Variants in CACNA2D2 observed in about 807,000 individuals in gnomAD.
CACNA2D2 encodes calcium voltage-gated channel auxiliary subunit alpha2delta 2.
A neutral mutation model predicts 166.4 loss-of-function variants in CACNA2D2; 48 were observed. The observed-to-expected ratio is 0.29, with a 90% CI of 0.23 to 0.37. The LOEUF is 0.37. Among genes scored for constraint, CACNA2D2 ranks in the 10% least tolerant of loss-of-function variants. The probability of loss-of-function intolerance (pLI) is 1.00; values close to 1 mark genes in which losing one functional copy is unlikely to be tolerated. For missense variants in CACNA2D2, 1,122 were observed against 1,433.0 expected (o/e 0.78, Z 3.50); for synonymous variants, 561 against 573.7 (o/e 0.98, Z 0.32).
In CACNA2D2 at chr3:50,378,802, T is replaced by C; in HGVS notation, c.1339+113A>G. 4 of 1,282,248 alleles carry C rather than the reference T, an allele frequency of 3.1e-6. No individual in the cohort carries two copies. The South Asian group carries it at 5.0e-5, about 16-fold the overall frequency. The allele number at this position is 1,282,248 out of a possible 1,614,324, so 79.4% of individuals were successfully genotyped here. On this transcript the variant is annotated intron_variant, in intron 13 of 37. Coordinates refer to ENST00000424201, the MANE Select transcript of CACNA2D2 (RefSeq NM_006030.4). ...GCCTCGTGGATGGGAGGAGGCACAC[T>C]GTCTTGCAGCGGGTGAACACACAGC...
intron 22 of CACNA2D2, among the ~76,000 whole-genome samples, chr3:50,371,329 TG>T (rs1164450233): frequency 2.0e-5 from 3 of 151,654 alleles, no homozygotes; most frequent in Non-Finnish European, 2.9e-5. Context: ...TGTGCATGTG[TG>T]GGTGAGTGAG....
intron 1 of CACNA2D2, among the ~76,000 whole-genome samples, chr3:50,488,862 G>A (rs1030324104): frequency 2.6e-5 from 4 of 151,922 alleles, no homozygotes; most frequent in African/African-American, 7.3e-5. Flanking sequence ...ACCACACCTG[G>A]CTAATTTTTT....
Position 50,367,243 on chromosome 3 carries a change from G to A in CACNA2D2, c.2402-134C>T, listed in dbSNP as rs112728203. ...GCACCCAGCACTCAGGACAGTGTTT[G>A]GCACAGTCTATCCCTCTTTTCACGT... On this transcript the variant is annotated intron_variant, in intron 27 of 37. Transcript: ENST00000424201. This position sits in a 1 kb window ranked among gnomAD's most constrained non-coding sequence, Gnocchi z 6.5. The A allele has an allele frequency of 4.1e-6, 4 of 982,460 alleles. No individual in the cohort carries two copies. Among genetic ancestry groups the A allele is most frequent in the Non-Finnish European group, 6.3e-6 (4 of 634,114 alleles). 60.9% of individuals were successfully genotyped at this position (982,460 alleles called of 1,614,324 possible).
intron 2 of CACNA2D2, among the ~76,000 whole-genome samples, chr3:50,468,304 A>G (rs1236731680): frequency 2.7e-5 from 4 of 150,802 alleles, no homozygotes; most frequent in Non-Finnish European, 2.9e-5. Flanking sequence ...CTGAGTTTGA[A>G]CTGATCTCCC....
At position 50,367,966 on chromosome 3, in the gene CACNA2D2, C is replaced by T; in HGVS notation, c.2144-64G>A. The T allele has an allele frequency of 7.6e-7, 1 of 1,312,254 alleles. No individual in the cohort carries two copies. The highest frequency in any genetic ancestry group is 1.1e-6 in the Non-Finnish European group (1 of 921,000). 81.3% of individuals were successfully genotyped at this position (1,312,254 alleles called of 1,614,324 possible). A position where few individuals can be genotyped will look rare whatever the true frequency, so the allele number is the denominator to read the frequency against. On this transcript the variant is annotated intron_variant, in intron 24 of 37. Transcript: ENST00000424201. This position sits in a 1 kb window ranked among gnomAD's most constrained non-coding sequence, Gnocchi z 6.5. ...CTTGCAGCTCCTTGCCCACCCTCACCCCCACCCTTAAGGCTCCACCAGGAG... is the reference window on the plus strand; with the variant it reads ...CTTGCAGCTCCTTGCCCACCCTCACTCCCACCCTTAAGGCTCCACCAGGAG...
Position 50,427,091 on chromosome 3 carries a change from G to C in CACNA2D2, c.405+7222C>G, listed in dbSNP as rs906576002. Among the ~76,000 whole-genome samples the C allele has an allele frequency of 6.6e-6, 1 of 152,186 alleles. No individual in the cohort carries two copies. The highest frequency in any genetic ancestry group is 1.5e-5 in the Non-Finnish European group (1 of 68,030). On this transcript the variant is annotated intron_variant, in intron 3 of 37. Coordinates refer to ENST00000424201, the MANE Select transcript of CACNA2D2 (RefSeq NM_006030.4). This position sits in a 1 kb window ranked among gnomAD's most constrained non-coding sequence, Gnocchi z 4.7. ...TTGCCCAAGGCTCACGCTGACCCCA[G>C]GGACACTTGGGTTTACCGTCCCTTC... is the stretch of plus-strand genomic sequence containing the variant.
At chr3:50,390,210 A>T (rs1705817865) in intron 4 of CACNA2D2, among the ~76,000 whole-genome samples, 1 of 152,170 alleles carries the variant, frequency 6.6e-6, no homozygotes, top group Non-Finnish European at 1.5e-5. Flanking sequence ...CTGGGCAGTG[A>T]GTGAAGACTG....
intron 5 of CACNA2D2, 91 bp from the exon 6 acceptor site, chr3:50,384,428 G>A: frequency 7.0e-7 from 1 of 1,438,396 alleles, no homozygotes; most frequent in African/African-American, 1.4e-5. Flanking sequence ...GAGGGCCAGA[G>A]TCCAGGAGAT....
At chr3:50,409,559 G>A (rs770898062) in intron 3 of CACNA2D2, among the ~76,000 whole-genome samples, 8 of 152,356 alleles carry the variant, frequency 5.3e-5, no homozygotes, top group Admixed American at 2.6e-4. Flanking sequence ...CACTTGCTGT[G>A]GCCAGCATCG....
chr3:50,477,440 G>A (rs1425566802), intron 1 of CACNA2D2, among the ~76,000 whole-genome samples: 1 of 152,188 alleles, frequency 6.6e-6, no homozygotes, highest in Non-Finnish European at 1.5e-5. Context: ...GAAGGAAGGA[G>A]TCTGGGGCAA....
chr3:50,394,276 T>G (rs529746656), intron 3 of CACNA2D2, 108 bp from the exon 4 acceptor site: 1 of 861,182 alleles, frequency 1.2e-6, no homozygotes, highest in Non-Finnish European at 2.0e-6. Context: ...GCTGGACTGG[T>G]GACTCCCTTC....
chr3:50,384,082 G>T, intron 6 of CACNA2D2, 114 bp downstream of exon 6: 1 of 1,308,884 alleles, frequency 7.6e-7, no homozygotes, highest in Non-Finnish European at 1.1e-6. Context: ...AGGTGTAGGA[G>T]GCTGGAGGTA....
At chr3:50,410,212 C>G (rs1706931103) in intron 3 of CACNA2D2, among the ~76,000 whole-genome samples, 2 of 152,180 alleles carry the variant, frequency 1.3e-5, no homozygotes, top group South Asian at 4.1e-4. Flanking sequence ...AGACTGTTGT[C>G]TGGAAAAAGG....
At chr3:50,456,727 G>A (rs1709374033) in intron 2 of CACNA2D2, among the ~76,000 whole-genome samples, 1 of 152,168 alleles carries the variant, frequency 6.6e-6, no homozygotes, top group Non-Finnish European at 1.5e-5. Flanking sequence ...CCTGAACTAG[G>A]AACACGGATA....
intron 2 of CACNA2D2, among the ~76,000 whole-genome samples, chr3:50,449,398 G>A (rs898841054): frequency 6.6e-6 from 1 of 152,218 alleles, no homozygotes; most frequent in Non-Finnish European, 1.5e-5. Context: ...GGTGATGCAT[G>A]AGCAGTCGCC....
intron 3 of CACNA2D2, among the ~76,000 whole-genome samples, chr3:50,402,713 A>G (rs1706504125): frequency 6.6e-6 from 1 of 152,180 alleles, no homozygotes; most frequent in African/African-American, 2.4e-5. Context: ...CCAGCATGAA[A>G]CTTACCCATT....
chr3:50,378,106 G>C lies in CACNA2D2; in HGVS notation c.1390-9C>G. ...AACACATCTAGATATTCCTGGGGAG[G>C]GGGCAGTGGTGGGGGTAATGAGTGC... On this transcript the variant is annotated splice_polypyrimidine_tract_variant and intron_variant, in intron 14 of 37. Transcript: ENST00000424201. The C allele has an allele frequency of 6.2e-7, 1 of 1,612,880 alleles. No individual in the cohort carries two copies.
intron 2 of CACNA2D2, among the ~76,000 whole-genome samples, chr3:50,471,286 G>A (rs944804247): frequency 2.6e-5 from 4 of 152,090 alleles, no homozygotes; most frequent in African/African-American, 9.7e-5. Flanking sequence ...CAGTGCGACA[G>A]CCTGTACCAG....
At chr3:50,413,395 C>T (rs1032057366) in intron 3 of CACNA2D2, among the ~76,000 whole-genome samples, 1 of 152,168 alleles carries the variant, frequency 6.6e-6, no homozygotes, top group Non-Finnish European at 1.5e-5. Flanking sequence ...CTCTCTCCAA[C>T]CCCTGACCCT....
Sources: gnomAD v4.1 joint callset for allele counts (sites outside exome capture counted in the v4.1 genomes callset) on GRCh38, gnomAD v4.1.1 for gene constraint, Gnocchi (gnomAD v3.1) non-coding constraint, MANE v1.5 for transcripts, NCBI Gene and HGNC (gene_info 2026-07-23, HGNC 2026-07-21) for gene names.